Variants in FLYWCH2 observed in about 807,000 individuals in gnomAD.
The protein encoded by FLYWCH2 is FLYWCH family member 2.
In FLYWCH2, 2 loss-of-function variants were observed where a neutral mutation model predicts 6.0. The ratio of observed to expected loss-of-function variants is 0.33; its 90% CI spans 0.14 to 1.04. FLYWCH2 has a LOEUF of 1.04. Among genes scored for constraint, FLYWCH2 ranks in the 50% least tolerant of loss-of-function variants. FLYWCH2 has a pLI of 0.45. For missense variants in FLYWCH2, 192 were observed against 183.4 expected (o/e 1.05, Z -0.27); for synonymous variants, 87 against 79.3 (o/e 1.10, Z -0.52).
chr16:2,895,699 C>G (rs1475725127), intron 2 of FLYWCH2, among the ~76,000 whole-genome samples: 1 of 152,278 alleles, frequency 6.6e-6, no homozygotes, highest in African/African-American at 2.4e-5. Context: ...GTTGTCCCAC[C>G]TGCCAGGGCC....
At chr16:2,892,858 T>A (rs1006271658) in intron 1 of FLYWCH2, among the ~76,000 whole-genome samples, 1 of 142,668 alleles carries the variant, frequency 7.0e-6, no homozygotes, top group African/African-American at 2.6e-5. Flanking sequence ...ATAACTAAAA[T>A]TTATATATAT....
At chr16:2,896,869 G>C (rs774528503) in intron 3 of FLYWCH2, 98 bp downstream of exon 3, 9 of 1,183,856 alleles carry the variant, frequency 7.6e-6, no homozygotes, top group Non-Finnish European at 9.4e-6. Context: ...CTGGCATGCG[G>C]GTCCTTGTTC....
At chr16:2,893,208 T>C (rs1216852496) in intron 1 of FLYWCH2, among the ~76,000 whole-genome samples, 4 of 152,070 alleles carry the variant, frequency 2.6e-5, no homozygotes, top group African/African-American at 4.8e-5. Flanking sequence ...CTATAGGCCA[T>C]TGGTGATCAA....
At chr16:2,892,392 A>T (rs2069767894) in intron 1 of FLYWCH2, among the ~76,000 whole-genome samples, 1 of 151,978 alleles carries the variant, frequency 6.6e-6, no homozygotes, top group African/African-American at 2.4e-5. Flanking sequence ...GCTACTTGTG[A>T]GTCTGAGACA....
At chr16:2,895,520 C>T (rs189725227) in intron 2 of FLYWCH2, among the ~76,000 whole-genome samples, 200 bp downstream of exon 2, 1 of 152,224 alleles carries the variant, frequency 6.6e-6, no homozygotes, top group African/African-American at 2.4e-5. Context: ...GAGGTTGAGG[C>T]AGGAGAATGG....
intron 1 of FLYWCH2, among the ~76,000 whole-genome samples, chr16:2,886,348 A>AAGCTTGGCTAATTTTG (rs1349645451): frequency 6.6e-6 from 1 of 150,998 alleles, no homozygotes. Flanking sequence ...ATGTGCCACC[A>AAGCTTGGCTAATTTTG]TGCCACCAAT....
At chr16:2,888,451 A>G (rs2069722620) in intron 1 of FLYWCH2, among the ~76,000 whole-genome samples, 1 of 138,130 alleles carries the variant, frequency 7.2e-6, no homozygotes, top group South Asian at 2.2e-4. Context: ...TTGAATTTTC[A>G]TATGAATTTT....
At chr16:2,888,220 T>C (rs1216562824) in intron 1 of FLYWCH2, among the ~76,000 whole-genome samples, 3 of 151,926 alleles carry the variant, frequency 2.0e-5, no homozygotes. Flanking sequence ...ATGTTGCTTA[T>C]GCTGGTCTCA....
chr16:2,898,693 C>T (rs11864928), intron 3 of FLYWCH2: 8 of 208,650 alleles, frequency 3.8e-5, no homozygotes, highest in Non-Finnish European at 6.7e-5. Flanking sequence ...CTCCATCAGG[C>T]GCCAGGGGTC....
intron 1 of FLYWCH2, among the ~76,000 whole-genome samples, chr16:2,883,949 G>C (rs544528846): frequency 1.3e-5 from 2 of 152,340 alleles, no homozygotes; most frequent in East Asian, 3.9e-4. Flanking sequence ...GAAGCTCCGC[G>C]CTGCACACCT....
At chr16:2,898,312 G>A (rs929166109) in intron 3 of FLYWCH2, among the ~76,000 whole-genome samples, 1 of 152,154 alleles carries the variant, frequency 6.6e-6, no homozygotes, top group Admixed American at 6.5e-5. Context: ...CCCAGAGCCG[G>A]TGGGAGTGCC....
chr16:2,883,937 G>T (rs947830699), intron 1 of FLYWCH2, among the ~76,000 whole-genome samples: 4 of 152,232 alleles, frequency 2.6e-5, no homozygotes, highest in Admixed American at 2.6e-4. Flanking sequence ...TGCCATGGTG[G>T]GGAAGCTCCG....
At chr16:2,889,061 A>T (rs916174072) in intron 1 of FLYWCH2, among the ~76,000 whole-genome samples, 77 of 151,984 alleles carry the variant, frequency 5.1e-4, no homozygotes, top group African/African-American at 1.8e-3. Context: ...ACGCATAAAA[A>T]TGATTCATAA....
intron 1 of FLYWCH2, among the ~76,000 whole-genome samples, chr16:2,886,717 C>T (rs1428165144): frequency 6.6e-6 from 1 of 151,680 alleles, no homozygotes; most frequent in Non-Finnish European, 1.5e-5. Flanking sequence ...GACAGGGTTT[C>T]TCCATGTTGG....
chr16:2,899,110 C>A lies in FLYWCH2; in HGVS notation c.384C>A (p.Asn128Lys). 2 of 1,613,752 alleles carry A rather than the reference C, an allele frequency of 1.2e-6. No individual in the cohort carries two copies. The highest frequency in any genetic ancestry group is 1.7e-6 in the Non-Finnish European group (2 of 1,179,876). The change falls in exon 4 of 4, where the codon AAC (asparagine) becomes AAA (lysine). Residue 128 changes from asparagine to lysine, a missense_variant. Coordinates refer to ENST00000396958, the MANE Select transcript of FLYWCH2 (RefSeq NM_138439.3). ...GGCCTCCTGAGGCTGCTGGGGAGAACTTTGCCCCCTGCTCTGTGGCGCCCG... is the reference window on the plus strand; with the variant it reads ...GGCCTCCTGAGGCTGCTGGGGAGAAATTTGCCCCCTGCTCTGTGGCGCCCG... Reference protein sequence around the residue: ...AAGPPEAAGENFAPCSVAPGK... With the variant: ...AAGPPEAAGEKFAPCSVAPGK...
chr16:2,896,834 C>T (rs754314974), intron 3 of FLYWCH2, 63 bp downstream of exon 3: 22 of 1,464,962 alleles, frequency 1.5e-5, no homozygotes, highest in Admixed American at 1.1e-4. Flanking sequence ...CCCACAGCCG[C>T]GCTGGCTCCA....
At chr16:2,898,379 C>G (rs940343817) in intron 3 of FLYWCH2, among the ~76,000 whole-genome samples, 1 of 152,192 alleles carries the variant, frequency 6.6e-6, no homozygotes, top group Admixed American at 6.5e-5. Flanking sequence ...CTCTGCCTGT[C>G]CCCCTGGCTT....
At position 2,899,273 on chromosome 16, in the gene FLYWCH2, T is replaced by C. The variant is rs1297718476; in HGVS notation, c.*124T>C. The C allele has an allele frequency of 4.3e-4, 245 of 566,630 alleles. No homozygotes were observed. The highest frequency in any genetic ancestry group is 9.7e-4 in the East Asian group (29 of 29,938). The allele number at this position is 566,630 out of a possible 1,614,324, so 35.1% of individuals were successfully genotyped here. A position where few individuals can be genotyped will look rare whatever the true frequency, so the allele number is the denominator to read the frequency against. On this transcript the variant is annotated 3_prime_UTR_variant, in exon 4 of 4. Coordinates refer to ENST00000396958, the MANE Select transcript of FLYWCH2 (RefSeq NM_138439.3). Reference sequence around the variant, plus strand: ...AACATTGTGTGATTTCTTTTCTTTTTTTTTTTTTTTTTAGATCAAGTATAA... The same window carrying C: ...AACATTGTGTGATTTCTTTTCTTTTCTTTTTTTTTTTTAGATCAAGTATAA...
chr16:2,891,310 G>T (rs937156092), intron 1 of FLYWCH2, among the ~76,000 whole-genome samples: 2 of 152,226 alleles, frequency 1.3e-5, no homozygotes, highest in Non-Finnish European at 2.9e-5. Context: ...CCAGGTCAAG[G>T]ACCAAGGATG....
Sources: allele counts gnomAD v4.1 joint callset (sites outside exome capture counted in the v4.1 genomes callset), GRCh38; gene constraint gnomAD v4.1.1; transcripts MANE v1.5; gene names NCBI Gene and HGNC (gene_info 2026-07-23, HGNC 2026-07-21).